SMTN: variants seen among roughly 807,000 people sequenced by gnomAD.
SMTN encodes the protein smoothelin.
Under a neutral mutation model 102.0 loss-of-function variants are expected in SMTN, and 58 were observed. That is an observed-to-expected ratio of 0.57 (90% CI 0.46 to 0.71). The LOEUF (loss-of-function observed/expected upper bound fraction) is 0.71. SMTN is among the 30% of genes least tolerant of loss of function. The pLI, the probability that SMTN is intolerant of heterozygous loss-of-function variation, is 0.00. For synonymous variants in SMTN, 478 were observed against 497.9 expected, an observed-to-expected ratio of 0.96 and a Z score of 0.53; for missense variants, 1,185 against 1,241.7, an observed-to-expected ratio of 0.95 and a Z score of 0.69.
Position 31,095,169 on chromosome 22 carries a change from A to G in SMTN, c.1633-134A>G. ...GACGCTGACATGGCCATCTTTGGGC[A>G]GGCAGGCTGGCAGGCTAGTGGTTAT... On this transcript the variant is annotated intron_variant, in intron 11 of 20. Transcript: ENST00000333137. This position sits in a 1 kb window ranked among gnomAD's most constrained non-coding sequence, Gnocchi z 4.1. 2.3e-6 allele frequency: 2 copies of G among 876,922 alleles called. No homozygotes were observed. Among genetic ancestry groups the G allele is most frequent in the Non-Finnish European group, 3.5e-6 (2 of 575,250 alleles). 54.3% of individuals were successfully genotyped at this position (876,922 alleles called of 1,614,324 possible).
intron 1 of SMTN, chr22:31,082,602 G>A (rs1437292637): frequency 1.1e-5 from 6 of 570,080 alleles, no homozygotes; most frequent in Non-Finnish European, 1.7e-5. Flanking sequence ...TTGGCAGGAG[G>A]TGCTGGGTGC....
intron 19 of SMTN, among the ~76,000 whole-genome samples, chr22:31,100,170 C>T (rs2043958148): frequency 6.6e-6 from 1 of 152,106 alleles, no homozygotes. Flanking sequence ...CCTCCATCCT[C>T]CCTCTGCCCC....
intron 17 of SMTN, 74 bp downstream of exon 17, chr22:31,098,914 G>A (rs1262060470): frequency 1.3e-6 from 2 of 1,553,114 alleles, no homozygotes; most frequent in Non-Finnish European, 1.7e-6. Flanking sequence ...TTGATAGTTG[G>A]CCCGGCAGAG....
chr22:31,085,059 G>C, intron 2 of SMTN: 1 of 1,531,722 alleles, frequency 6.5e-7, no homozygotes. Flanking sequence ...ACATTCTTGA[G>C]GATTGGGCCG....
At chr22:31,099,382 A>G (rs1283950298) in intron 18 of SMTN, 2 of 595,286 alleles carry the variant, frequency 3.4e-6, no homozygotes, top group South Asian at 2.0e-5. Flanking sequence ...GTGATGAAGT[A>G]ACAGGGCCTC....
In SMTN at chr22:31,088,904, C is replaced by A. The variant is rs1448271142; in HGVS notation, c.406C>A (p.Arg136Ser). 7.4e-6 allele frequency: 12 copies of A among 1,613,800 alleles called. No individual in the cohort carries two copies. In the African/African-American group the frequency reaches 1.6e-4, roughly 22 times the overall value. ...CTTGGCTGGGAGGTTGTACAGCGGG[C>A]GTCCCAACAGTGGCTCAAGAGAGGA... ...ATLAGRLYSG[R>S]PNSGSREDSK... Residue 136 changes from arginine (R) to serine (S), a missense_variant, in exon 6 of 21, where the codon CGT (arginine) becomes AGT (serine). Transcript: ENST00000333137.
chr22:31,080,855 C>T (rs935821755), upstream of SMTN: 1 of 152,348 alleles, frequency 6.6e-6, no homozygotes. Flanking sequence ...GTCACTCAGT[C>T]CCTGCTCTGA....
intron 1 of SMTN, chr22:31,082,897 TC>T: frequency 6.5e-7 from 1 of 1,548,108 alleles, no homozygotes; most frequent in Non-Finnish European, 8.7e-7. Context: ...GTCCCTGCCC[TC>T]CCTGTTTTGA....
rs1354240536 is a variant in SMTN, at chr22:31,104,349, GGAC to G, written c.*58_*60del. On this transcript the variant is annotated 3_prime_UTR_variant, in exon 21 of 21. Transcript: ENST00000333137. Reference sequence around the variant, plus strand: ...TGGACTGTGTGCCCCTGGTGGAGGTGGACGACATGATGATCATGGGCAAGAAGC... The same window carrying G: ...TGGACTGTGTGCCCCTGGTGGAGGTGGACATGATGATCATGGGCAAGAAGC... 2.5e-6 allele frequency: 4 copies of G among 1,614,088 alleles called. No homozygotes were observed. Among genetic ancestry groups the G allele is most frequent in the Non-Finnish European group, 3.4e-6 (4 of 1,180,042 alleles).
At chr22:31,070,141 C>A (rs2041963281) in intron 1 of SMTN, among the ~76,000 whole-genome samples, 1 of 152,148 alleles carries the variant, frequency 6.6e-6, no homozygotes, top group Non-Finnish European at 1.5e-5. Context: ...ACCTCTAGCT[C>A]AAAAACCTTC....
Position 31,091,705 on chromosome 22 carries a change from C to T in SMTN, c.1490C>T (p.Thr497Ile). ...ACACTGGGGCTGCGGGCGCCCCCGA[C>T]CCTACTCAGCACCAGTAGTGGGGGC... ...ELTLGLRAPP[T>I]LLSTSSGGKS... The change falls in exon 11 of 21, where the codon ACC becomes ATC. Residue 497 changes from threonine (T) to isoleucine (I), a missense_variant. This residue lies in a region of SMTN where 1,096 missense variants were observed against 1,112.7 expected (regional missense o/e 0.98). Coordinates refer to ENST00000333137, the MANE Select transcript of SMTN (RefSeq NM_134269.3). 6.2e-7 allele frequency: 1 copy of T among 1,609,376 alleles called. No homozygotes were observed. The highest frequency in any genetic ancestry group is 8.5e-7 in the Non-Finnish European group (1 of 1,176,868).
chr22:31,079,784 G>A (rs2042223388), upstream of SMTN, among the ~76,000 whole-genome samples: 1 of 152,034 alleles, frequency 6.6e-6, no homozygotes, highest in Non-Finnish European at 1.5e-5. Context: ...CTTTTTTTGA[G>A]ACAGAATCTT....
intron 20 of SMTN, 170 bp from the exon 21 acceptor site, chr22:31,104,146 G>A (rs2044310167): frequency 1.4e-6 from 1 of 710,606 alleles, no homozygotes; most frequent in Non-Finnish European, 2.3e-6. Flanking sequence ...ATGCCTCCAG[G>A]CTTGGGTAGA....
chr22:31,099,128 C>T lies in SMTN; in HGVS notation c.2400C>T (p.Ser800=). The part of the protein sequence containing the change: ...STSFGVPNAN[S]IKQMLLDWCR... ...GCTTCGGGGTCCCCAACGCCAACAG[C>T]ATCAAGCAGATGCTGCTGGACTGGT... The change falls in exon 18 of 21, where the codon AGC becomes AGT. Residue 800 remains serine (S), a synonymous_variant. Transcript: ENST00000333137. 5 of 1,613,396 alleles carry T rather than the reference C, an allele frequency of 3.1e-6. No homozygotes were observed. The highest frequency in any genetic ancestry group is 4.2e-6 in the Non-Finnish European group (5 of 1,179,972).
At chr22:31,082,692 G>A in intron 1 of SMTN, 1 of 642,800 alleles carries the variant, frequency 1.6e-6, no homozygotes, top group Non-Finnish European at 2.8e-6. Flanking sequence ...TCCTATACCT[G>A]GGGGAATGAC....
intron 1 of SMTN, chr22:31,082,886 G>A (rs2042402374): frequency 6.5e-7 from 1 of 1,545,732 alleles, no homozygotes; most frequent in South Asian, 1.2e-5. Context: ...TCTCAATCCA[G>A]GTCCCTGCCC....
In SMTN at chr22:31,090,873, A is replaced by G. The variant is rs116823612; in HGVS notation, c.931A>G (p.Asn311Asp). 3 of 1,613,880 alleles carry G rather than the reference A, an allele frequency of 1.9e-6. No individual in the cohort carries two copies. In the East Asian group the frequency reaches 6.7e-5, roughly 36 times the overall value. The change falls in exon 9 of 21, where the codon AAC becomes GAC. Residue 311 changes from asparagine (N) to aspartate (D), a missense_variant. Asn to Asp is a conservative substitution (Grantham distance 23). Around this residue, in one of 2 missense-constraint regions of SMTN, gnomAD observed 1,096 missense variants for 1,112.7 expected, o/e 0.98. Coordinates refer to ENST00000333137, the MANE Select transcript of SMTN (RefSeq NM_134269.3). ...SVLSPRQPAQ[N>D]RESTPLASGP... ...GCTCAGCCCCCGCCAACCAGCCCAG[A>G]ACCGAGGTACTACCTATTCTCACCC...
rs1203850160 is a variant in SMTN, at chr22:31,090,863, A to G, written c.921A>G (p.Gln307=). The stretch of plus-strand genomic sequence containing the variant: ...CCCTGTCGGTGCTCAGCCCCCGCCA[A>G]CCAGCCCAGAACCGAGGTACTACCT... ...QRSLSVLSPR[Q]PAQNRESTPL... is the part of the protein sequence containing the mutation. Residue 307 remains glutamine, a synonymous_variant, in exon 9 of 21, where the codon CAA becomes CAG. Coordinates refer to ENST00000333137, the MANE Select transcript of SMTN (RefSeq NM_134269.3). The G allele has an allele frequency of 3.1e-6, 5 of 1,613,908 alleles. No homozygotes were observed. Among genetic ancestry groups the G allele is most frequent in the Middle Eastern group, 3.3e-4 (2 of 6,062 alleles).
chr22:31,093,842 G>T (rs1310768188), intron 11 of SMTN: 2 of 1,587,130 alleles, frequency 1.3e-6, no homozygotes, highest in Non-Finnish European at 8.5e-7. Context: ...ACCCGCCGCC[G>T]CTCCTCCACC....
Sources: gnomAD v4.1 joint callset for allele counts (sites outside exome capture counted in the v4.1 genomes callset) on GRCh38, gnomAD v4.1.1 for gene constraint, gnomAD v4.1.1 regional missense constraint, Gnocchi (gnomAD v3.1) non-coding constraint, MANE v1.5 for transcripts, NCBI Gene and HGNC (gene_info 2026-07-23, HGNC 2026-07-21) for gene names.